The following CSMD1 variants were observed in gnomAD, a reference collection of about 807,000 sequenced individuals.
CSMD1 encodes the protein CUB and Sushi multiple domains 1.
A neutral mutation model predicts 417.5 loss-of-function variants in CSMD1; 213 were observed. The ratio of observed to expected loss-of-function variants is 0.51; its 90% CI spans 0.46 to 0.57. The LOEUF is 0.57. CSMD1 is among the 20% of genes least tolerant of loss of function. The probability of loss-of-function intolerance (pLI) is 0.00; values close to 1 mark genes in which losing one functional copy is unlikely to be tolerated. For synonymous variants in CSMD1, 2,862 were observed against 1,736.8 expected (o/e 1.65, Z -16.11); for missense variants, 6,923 against 4,529.7 (o/e 1.53, Z -15.17).
At chr8:4,174,828 G>A (rs1253944930) in intron 3 of CSMD1, among the ~76,000 whole-genome samples, 1 of 138,478 alleles carries the variant, frequency 7.2e-6, no homozygotes, top group East Asian at 2.3e-4. Context: ...GTGTGCCAGA[G>A]AAATTACACC....
rs57280665 is a variant in CSMD1, at chr8:3,849,055, G to C, written c.819-95013C>G. Among the ~76,000 whole-genome samples, 1,487 of 151,928 alleles carry C rather than the reference G, an allele frequency of 9.8e-3. 22 individuals carry two copies. Among genetic ancestry groups the C allele is most frequent in the African/African-American group, 0.033 (1,373 of 41,396 alleles). On this transcript the variant is annotated intron_variant, in intron 5 of 69. Transcript: ENST00000635120. Reference sequence around the variant, plus strand: ...CTTAAACTTAGTGGCATGCAGTTTTGGCCCTCAATATACAAGATTCCATTT... The same window carrying C: ...CTTAAACTTAGTGGCATGCAGTTTTCGCCCTCAATATACAAGATTCCATTT...
At chr8:3,705,495 T>A (rs971355875) in intron 7 of CSMD1, among the ~76,000 whole-genome samples, 1 of 152,184 alleles carries the variant, frequency 6.6e-6, no homozygotes, top group East Asian at 1.9e-4. Flanking sequence ...GATAATTCCC[T>A]GGCCACTGCT....
At chr8:4,251,362 G>C (rs1019582363) in intron 3 of CSMD1, among the ~76,000 whole-genome samples, 1 of 152,130 alleles carries the variant, frequency 6.6e-6, no homozygotes, top group Non-Finnish European at 1.5e-5. Context: ...TAAGAGTTTG[G>C]AAGGTTTTAT....
chr8:3,885,533 T>G (rs187870987), intron 5 of CSMD1, among the ~76,000 whole-genome samples: 2 of 152,280 alleles, frequency 1.3e-5, no homozygotes, highest in Admixed American at 1.3e-4. Flanking sequence ...CTCAGAATAC[T>G]AGGGAAAAAA....
chr8:4,671,745 G>C (rs1050868525), intron 1 of CSMD1, among the ~76,000 whole-genome samples: 2 of 152,098 alleles, frequency 1.3e-5, no homozygotes, highest in Non-Finnish European at 2.9e-5. Context: ...GTGTGTGCTT[G>C]TGTGTGTGTG....
chr8:3,572,147 G>A (rs1799970155), intron 10 of CSMD1, among the ~76,000 whole-genome samples: 2 of 152,176 alleles, frequency 1.3e-5, no homozygotes, highest in African/African-American at 2.4e-5. Context: ...AGAGTTTTCT[G>A]CCCGACCCAT....
chr8:3,056,917 T>A (rs1812269861), intron 49 of CSMD1, among the ~76,000 whole-genome samples: 1 of 152,106 alleles, frequency 6.6e-6, no homozygotes, highest in Non-Finnish European at 1.5e-5. Context: ...TAGATTACTA[T>A]CTACATAGGT....
intron 1 of CSMD1, among the ~76,000 whole-genome samples, chr8:4,829,356 G>T (rs1585172685): frequency 6.6e-6 from 1 of 151,980 alleles, no homozygotes; most frequent in Non-Finnish European, 1.5e-5. Context: ...TGTCTATACT[G>T]GGCAACACTC....
chr8:3,397,847 T>C (rs924663640), intron 16 of CSMD1, among the ~76,000 whole-genome samples: 1 of 152,152 alleles, frequency 6.6e-6, no homozygotes, highest in Non-Finnish European at 1.5e-5. Flanking sequence ...CGCCTGGCAA[T>C]ACCATCAGCA....
At chr8:3,328,033 C>T (rs1216620097) in intron 23 of CSMD1, among the ~76,000 whole-genome samples, 2 of 152,206 alleles carry the variant, frequency 1.3e-5, no homozygotes, top group African/African-American at 4.8e-5. Context: ...TTTCCAGAAA[C>T]TACCCTGTCC....
intron 2 of CSMD1, among the ~76,000 whole-genome samples, chr8:4,439,092 A>G (rs1448019349): frequency 3.9e-5 from 6 of 152,134 alleles, no homozygotes; most frequent in African/African-American, 1.4e-4. Flanking sequence ...CATCTGTATT[A>G]TATGGTTCAC....
intron 50 of CSMD1, among the ~76,000 whole-genome samples, chr8:3,038,252 A>G (rs1454540987): frequency 6.6e-6 from 1 of 152,226 alleles, no homozygotes; most frequent in Non-Finnish European, 1.5e-5. Flanking sequence ...AGGCCTTTGA[A>G]GTTTTGCAAC....
chr8:3,955,499 G>A (rs1362015682), intron 5 of CSMD1, among the ~76,000 whole-genome samples: 1 of 152,182 alleles, frequency 6.6e-6, no homozygotes, highest in East Asian at 1.9e-4. Flanking sequence ...CTCTACTCAT[G>A]TTTGAAGCTG....
At chr8:4,293,197 G>C (rs796820630) in intron 3 of CSMD1, among the ~76,000 whole-genome samples, 3 of 152,160 alleles carry the variant, frequency 2.0e-5, no homozygotes, top group African/African-American at 4.8e-5. Context: ...CACAGAGAGA[G>C]GAAGAGAGCC....
intron 3 of CSMD1, among the ~76,000 whole-genome samples, chr8:4,118,469 C>T: frequency 1.1e-5 from 1 of 88,856 alleles, no homozygotes; most frequent in East Asian, 3.4e-4. Flanking sequence ...GACATTTATG[C>T]AGCCAGCAAA....
intron 6 of CSMD1, among the ~76,000 whole-genome samples, chr8:3,753,635 A>T (rs1436284357): frequency 6.6e-6 from 1 of 152,230 alleles, no homozygotes; most frequent in Non-Finnish European, 1.5e-5. Context: ...GTGGATATTT[A>T]CAGATTAGAT....
intron 12 of CSMD1, among the ~76,000 whole-genome samples, chr8:3,453,407 A>G (rs112628091): frequency 0.1 from 15,341 of 151,684 alleles, 1,357 homozygotes; most frequent in East Asian, 0.32. Context: ...TGATGTTAGG[A>G]TGTCAATTTT....
At chr8:4,589,795 G>C (rs1041946281) in intron 2 of CSMD1, among the ~76,000 whole-genome samples, 6 of 152,210 alleles carry the variant, frequency 3.9e-5, no homozygotes, top group Admixed American at 1.3e-4. Flanking sequence ...ATATATCTTT[G>C]CCATGTCAAA....
intron 23 of CSMD1, among the ~76,000 whole-genome samples, chr8:3,329,839 G>A (rs4875195): frequency 0.048 from 7,299 of 152,218 alleles, 401 homozygotes; most frequent in East Asian, 0.25. Flanking sequence ...CTTGCTAGGG[G>A]CACAGGGCAC....
Sources: allele counts gnomAD v4.1 joint callset (sites outside exome capture counted in the v4.1 genomes callset), GRCh38; gene constraint gnomAD v4.1.1; transcripts MANE v1.5; gene names NCBI Gene and HGNC (gene_info 2026-07-23, HGNC 2026-07-21).